The following KCNH8 variants were observed in gnomAD, a reference collection of about 807,000 sequenced individuals.
The protein encoded by KCNH8 is potassium voltage-gated channel subfamily H member 8, also known as voltage-gated delayed rectifier potassium channel KCNH8.
Under a neutral mutation model 103.6 loss-of-function variants are expected in KCNH8, and 70 were observed. That is an observed-to-expected ratio of 0.68 (90% CI 0.56 to 0.82). The LOEUF (loss-of-function observed/expected upper bound fraction) is 0.82. Ranked by LOEUF, KCNH8 falls within the 40% of genes least tolerant of loss-of-function variation. The probability of loss-of-function intolerance (pLI) is 0.00; values close to 1 mark genes in which losing one functional copy is unlikely to be tolerated. For missense variants in KCNH8, 1,217 were observed against 1,329.9 expected, an observed-to-expected ratio of 0.92 and a Z score of 1.32; for synonymous variants, 498 against 489.4, an observed-to-expected ratio of 1.02 and a Z score of -0.23.
In KCNH8 at chr3:19,276,693, T is replaced by C. The variant is rs577531328; in HGVS notation, c.311-4505T>C. On this transcript the variant is annotated intron_variant, in intron 2 of 15. Coordinates refer to ENST00000328405, the MANE Select transcript of KCNH8 (RefSeq NM_144633.3). ...ATTAGTTAGCTATTATGAGTTTTTA[T>C]CTATTGACAAATATATTTTAGTGCT... Among the ~76,000 whole-genome samples, 3 of 152,262 alleles carry C rather than the reference T, an allele frequency of 2.0e-5. No homozygotes were observed. In the East Asian group the frequency reaches 5.8e-4, roughly 29 times the overall value.
chr3:19,494,259 G>A (rs370800733), intron 11 of KCNH8, among the ~76,000 whole-genome samples: 5 of 152,130 alleles, frequency 3.3e-5, no homozygotes, highest in African/African-American at 1.2e-4. Flanking sequence ...CACAAATCTC[G>A]TCTTGTAGCT....
intron 7 of KCNH8, among the ~76,000 whole-genome samples, chr3:19,417,075 G>A (rs1392049942): frequency 6.6e-6 from 1 of 151,386 alleles, no homozygotes; most frequent in African/African-American, 2.4e-5. Context: ...CACCACCATA[G>A]TGTCAGCTAA....
intron 7 of KCNH8, among the ~76,000 whole-genome samples, chr3:19,402,357 C>T (rs1218098061): frequency 2.0e-5 from 3 of 151,784 alleles, no homozygotes; most frequent in Non-Finnish European, 2.9e-5. Context: ...AAATATAGGA[C>T]ATCACATGTA....
chr3:19,506,668 T>C (rs1575155996), intron 11 of KCNH8, among the ~76,000 whole-genome samples: 1 of 152,274 alleles, frequency 6.6e-6, no homozygotes, highest in East Asian at 1.9e-4. Context: ...AGGCTTTATG[T>C]GGCCTCCTTA....
chr3:19,276,893 A>G (rs2064680954), intron 2 of KCNH8, among the ~76,000 whole-genome samples: 1 of 152,146 alleles, frequency 6.6e-6, no homozygotes, highest in South Asian at 2.1e-4. Flanking sequence ...TATATTAAAG[A>G]GATATCTGCA....
At chr3:19,524,506 G>T (rs1172331594) in intron 15 of KCNH8, among the ~76,000 whole-genome samples, 2 of 151,666 alleles carry the variant, frequency 1.3e-5, no homozygotes, top group East Asian at 3.9e-4. Flanking sequence ...CAGTTCTTAA[G>T]CCTGTATAAA....
At chr3:19,175,606 A>T (rs1417825057) in intron 1 of KCNH8, among the ~76,000 whole-genome samples, 2 of 152,196 alleles carry the variant, frequency 1.3e-5, no homozygotes, top group Non-Finnish European at 2.9e-5. Flanking sequence ...ATTTTATGAG[A>T]CTAAATAGTT....
At chr3:19,500,638 C>T (rs921032562) in intron 11 of KCNH8, among the ~76,000 whole-genome samples, 12 of 152,232 alleles carry the variant, frequency 7.9e-5, no homozygotes, top group South Asian at 4.2e-4. Flanking sequence ...CACTCAAAAC[C>T]GCTCAACTAC....
chr3:19,253,558 C>T (rs2064305939), intron 1 of KCNH8, 96 bp from the exon 2 acceptor site: 3 of 971,462 alleles, frequency 3.1e-6, no homozygotes, highest in Admixed American at 3.9e-5. Flanking sequence ...CTTTTGGCAG[C>T]TAGCTAAACA....
At chr3:19,428,875 A>G (rs2067068759) in intron 7 of KCNH8, among the ~76,000 whole-genome samples, 1 of 152,058 alleles carries the variant, frequency 6.6e-6, no homozygotes. Flanking sequence ...CTCTCTACTC[A>G]TGTTTCTCTT....
At chr3:19,365,504 CTTAA>C (rs1165764312) in intron 5 of KCNH8, among the ~76,000 whole-genome samples, 11 of 151,986 alleles carry the variant, frequency 7.2e-5, no homozygotes, top group African/African-American at 2.4e-4. Context: ...ATAACCGCAT[CTTAA>C]TTGTTACGCA....
chr3:19,160,675 TAAAC>T (rs1286342271), intron 1 of KCNH8, among the ~76,000 whole-genome samples: 1 of 152,110 alleles, frequency 6.6e-6, no homozygotes, highest in Non-Finnish European at 1.5e-5. Flanking sequence ...ATCCCATAAA[TAAAC>T]AATCCATAAG....
intron 11 of KCNH8, among the ~76,000 whole-genome samples, chr3:19,490,681 T>C (rs532626980): frequency 6.6e-6 from 1 of 152,200 alleles, no homozygotes; most frequent in African/African-American, 2.4e-5. Flanking sequence ...TAAGACAATA[T>C]GAGGGGTGGT....
At position 19,372,685 on chromosome 3, in the gene KCNH8, C is replaced by G. The variant is rs560137417; in HGVS notation, c.812-17796C>G. On this transcript the variant is annotated intron_variant, in intron 5 of 15. Transcript: ENST00000328405. ...TGGTGAGAGAGGGCATCCCTGCCTT[C>G]TGCCCGTTTTCAAAGGGAATGCTTC... Among the ~76,000 whole-genome samples the G allele has an allele frequency of 2.5e-4, 38 of 152,230 alleles. No homozygotes were observed. In the South Asian group the frequency reaches 7.7e-3, roughly 31 times the overall value.
At chr3:19,371,708 T>C (rs1422148748) in intron 5 of KCNH8, among the ~76,000 whole-genome samples, 2 of 148,888 alleles carry the variant, frequency 1.3e-5, no homozygotes, top group Non-Finnish European at 3.0e-5. Flanking sequence ...TGAATGGTAA[T>C]GCCTAGGTTT....
At chr3:19,389,614 ATTATAT>A (rs1233034981) in intron 5 of KCNH8, among the ~76,000 whole-genome samples, 1 of 151,966 alleles carries the variant, frequency 6.6e-6, no homozygotes, top group African/African-American at 2.4e-5. Context: ...TAGATTTCAG[ATTATAT>A]TTAGTGGGTT....
intron 5 of KCNH8, 69 bp from the exon 6 acceptor site, chr3:19,390,412 G>T: frequency 1.5e-4 from 165 of 1,122,564 alleles, no homozygotes; most frequent in South Asian, 6.4e-4. Flanking sequence ...TTCTTTCATT[G>T]TCCTTCCTAC....
chr3:19,387,452 A>G (rs1277390969), intron 5 of KCNH8, among the ~76,000 whole-genome samples: 1 of 152,198 alleles, frequency 6.6e-6, no homozygotes, highest in Non-Finnish European at 1.5e-5. Context: ...AAGTGATAGT[A>G]GTCCACCTGA....
intron 3 of KCNH8, among the ~76,000 whole-genome samples, chr3:19,295,451 A>G (rs898447784): frequency 1.3e-5 from 2 of 152,176 alleles, no homozygotes; most frequent in East Asian, 1.9e-4. Flanking sequence ...TAAAACAGCC[A>G]GAGCCATATA....
Sources: allele counts gnomAD v4.1 joint callset (sites outside exome capture counted in the v4.1 genomes callset), GRCh38; gene constraint gnomAD v4.1.1; transcripts MANE v1.5; gene names NCBI Gene and HGNC (gene_info 2026-07-23, HGNC 2026-07-21).